The following CMTM7 variants were observed in gnomAD, a reference collection of about 807,000 sequenced individuals.
The protein encoded by CMTM7 is CKLF-like MARVEL transmembrane domain-containing protein 7.
In CMTM7, 7 loss-of-function variants were observed where a neutral mutation model predicts 19.3. The ratio of observed to expected loss-of-function variants is 0.36; its 90% CI spans 0.21 to 0.68. CMTM7 has a LOEUF of 0.68. Ranked by LOEUF, CMTM7 falls within the 30% of genes least tolerant of loss-of-function variation. CMTM7 has a pLI of 0.60. For missense variants in CMTM7, 193 were observed against 232.6 expected (o/e 0.83, Z 1.11); for synonymous variants, 87 against 99.3 (o/e 0.88, Z 0.74).
intron 1 of CMTM7, among the ~76,000 whole-genome samples, chr3:32,412,301 A>G (rs1559404102): frequency 6.6e-6 from 1 of 152,320 alleles, no homozygotes; most frequent in East Asian, 1.9e-4. Context: ...CCTGGCCAAC[A>G]TGGTGAAACC....
chr3:32,392,315 C>G (rs1416045949), intron 1 of CMTM7, among the ~76,000 whole-genome samples: 2 of 152,214 alleles, frequency 1.3e-5, no homozygotes, highest in African/African-American at 2.4e-5. Context: ...TCGCCAGGGT[C>G]GCAAGTTTCT....
chr3:32,416,361 ATTTTTTTTTTTTTTTT>A (rs58085712), intron 1 of CMTM7, among the ~76,000 whole-genome samples: 7 of 72,442 alleles, frequency 9.7e-5, no homozygotes, highest in Non-Finnish European at 1.8e-4. Context: ...ATCCGGGCTA[ATTTTTTTTTTTTTTTT>A]TTTTTTTTTT....
At chr3:32,453,997 G>T (rs1696871943) in intron 4 of CMTM7, among the ~76,000 whole-genome samples, 2 of 152,188 alleles carry the variant, frequency 1.3e-5, no homozygotes, top group Admixed American at 1.3e-4. Flanking sequence ...GGCTTGGGAG[G>T]TTGCTGCTGA....
At chr3:32,416,642 G>C (rs992909665) in intron 1 of CMTM7, among the ~76,000 whole-genome samples, 1 of 151,726 alleles carries the variant, frequency 6.6e-6, no homozygotes, top group African/African-American at 2.4e-5. Context: ...CAACCGCCTC[G>C]GCCTCCCAAA....
intron 1 of CMTM7, among the ~76,000 whole-genome samples, chr3:32,428,065 A>G (rs572012406): frequency 1.3e-5 from 2 of 152,328 alleles, no homozygotes; most frequent in South Asian, 4.1e-4. Context: ...AGTGATGGGT[A>G]AATACGGTCC....
intron 1 of CMTM7, among the ~76,000 whole-genome samples, chr3:32,435,920 A>G (rs776414480): frequency 9.9e-5 from 15 of 152,222 alleles, no homozygotes; most frequent in Non-Finnish European, 1.9e-4. Flanking sequence ...TAAAACTACT[A>G]AATATCACTT....
intron 1 of CMTM7, among the ~76,000 whole-genome samples, chr3:32,393,018 TG>T (rs1695863225): frequency 6.6e-6 from 1 of 151,796 alleles, no homozygotes. Flanking sequence ...CCAAGAACGG[TG>T]GGGAGGGGAG....
At chr3:32,406,816 A>C (rs1696097824) in intron 1 of CMTM7, among the ~76,000 whole-genome samples, 1 of 152,218 alleles carries the variant, frequency 6.6e-6, no homozygotes, top group African/African-American at 2.4e-5. Flanking sequence ...TATGGGGAAC[A>C]CTGGAGAGTG....
At chr3:32,404,365 T>TC (rs1696059517) in intron 1 of CMTM7, among the ~76,000 whole-genome samples, 3 of 152,118 alleles carry the variant, frequency 2.0e-5, no homozygotes, top group African/African-American at 7.2e-5. Flanking sequence ...TTCACCATGT[T>TC]GGCCAGGCTG....
At position 32,449,651 on chromosome 3, in the gene CMTM7, C is replaced by T; in HGVS notation, c.432+99C>T. On this transcript the variant is annotated intron_variant, in intron 3 of 4. Coordinates refer to ENST00000334983, the MANE Select transcript of CMTM7 (RefSeq NM_138410.4). The surrounding 1 kb of genome is among the most constrained non-coding windows in gnomAD (Gnocchi z 4.5). ...AGAAGGGCTTGGTTTCTGGGGCATT[C>T]CCTTCATAGAATCAATACCTACCTT... 1.1e-6 allele frequency: 1 copy of T among 920,138 alleles called. No individual in the cohort carries two copies. Among genetic ancestry groups the T allele is most frequent in the Non-Finnish European group, 1.8e-6 (1 of 555,616 alleles). 57.0% of individuals were successfully genotyped at this position (920,138 alleles called of 1,614,324 possible).
At chr3:32,444,222 A>T (rs1284526578) in intron 2 of CMTM7, among the ~76,000 whole-genome samples, 2 of 152,154 alleles carry the variant, frequency 1.3e-5, no homozygotes, top group African/African-American at 4.8e-5. Context: ...TTTTGAGTTA[A>T]TGTTTTTTGC....
intron 1 of CMTM7, among the ~76,000 whole-genome samples, chr3:32,425,667 C>T (rs1266014197): frequency 6.6e-6 from 1 of 152,044 alleles, no homozygotes; most frequent in East Asian, 1.9e-4. Context: ...ATAGTACATT[C>T]CAGTCTCAAC....
intron 1 of CMTM7, among the ~76,000 whole-genome samples, chr3:32,410,303 C>T (rs1028593960): frequency 6.6e-6 from 1 of 152,248 alleles, no homozygotes; most frequent in Non-Finnish European, 1.5e-5. Flanking sequence ...CTGTTCAGGT[C>T]ACCACGGAGT....
intron 1 of CMTM7, among the ~76,000 whole-genome samples, chr3:32,441,179 A>G (rs1431417395): frequency 1.3e-5 from 2 of 152,232 alleles, no homozygotes; most frequent in Non-Finnish European, 2.9e-5. Context: ...CATGGTCCTT[A>G]GAGTCAGACA....
rs148341339 is a variant in CMTM7, at chr3:32,452,396, T to C, written c.437T>C (p.Phe146Ser). The C allele has an allele frequency of 3.6e-5, 58 of 1,614,148 alleles. No individual in the cohort carries two copies. The African/African-American group carries it at 7.1e-4, about 20-fold the overall frequency. The change falls in exon 4 of 5, where the codon TTT (phenylalanine) becomes TCT (serine). Residue 146 changes from phenylalanine to serine, a missense_variant. Coordinates refer to ENST00000334983, the MANE Select transcript of CMTM7 (RefSeq NM_138410.4). ...NQSGLVAGAIFGFMATFLCMA... is the reference protein window; with the variant it reads ...NQSGLVAGAISGFMATFLCMA... ...TCTCCCCTCTCTCCACTGCAGATCT[T>C]TGGTTTCATGGCCACCTTCCTCTGC...
intron 1 of CMTM7, among the ~76,000 whole-genome samples, chr3:32,409,548 A>G (rs939911926): frequency 1.3e-5 from 2 of 152,314 alleles, no homozygotes; most frequent in East Asian, 1.9e-4. Context: ...CTAGGATCCC[A>G]TCCCAGATCA....
At chr3:32,446,580 T>G (rs940896747) in intron 2 of CMTM7, among the ~76,000 whole-genome samples, 1 of 152,212 alleles carries the variant, frequency 6.6e-6, no homozygotes, top group African/African-American at 2.4e-5. Flanking sequence ...TAATATAGTT[T>G]GGATATCTGT....
intron 4 of CMTM7, among the ~76,000 whole-genome samples, chr3:32,453,583 G>T (rs961208169): frequency 2.0e-5 from 3 of 152,106 alleles, no homozygotes; most frequent in African/African-American, 7.2e-5. Context: ...CCTACACTGA[G>T]CCCATGTAGT....
At chr3:32,393,772 CAAAA>C (rs34745605) in intron 1 of CMTM7, among the ~76,000 whole-genome samples, 4 of 92,436 alleles carry the variant, frequency 4.3e-5, no homozygotes, top group Non-Finnish European at 8.3e-5. Context: ...AGGCCTGTCT[CAAAA>C]AAAAAAAAAA....
Sources: gnomAD v4.1 joint callset for allele counts (sites outside exome capture counted in the v4.1 genomes callset) on GRCh38, gnomAD v4.1.1 for gene constraint, Gnocchi (gnomAD v3.1) non-coding constraint, MANE v1.5 for transcripts, NCBI Gene and HGNC (gene_info 2026-07-23, HGNC 2026-07-21) for gene names.